The following TTC23L variants were observed in gnomAD, a reference collection of about 807,000 sequenced individuals.
TTC23L encodes the protein tetratricopeptide repeat domain 23 like.
In TTC23L, 42 loss-of-function variants were observed where a neutral mutation model predicts 48.1. The observed-to-expected ratio is 0.87, with a 90% CI of 0.68 to 1.13. The LOEUF is 1.13. TTC23L is among the 50% of genes most tolerant of loss of function. The pLI, the probability that TTC23L is intolerant of heterozygous loss-of-function variation, is 0.00. For missense variants in TTC23L, 391 were observed against 421.0 expected, an observed-to-expected ratio of 0.93 and a Z score of 0.62; for synonymous variants, 159 against 157.2, an observed-to-expected ratio of 1.01 and a Z score of -0.09.
the TTC23L span, among the ~76,000 whole-genome samples, chr5:34,919,580 C>T: frequency 1.3e-5 from 2 of 152,176 alleles, no homozygotes; most frequent in Admixed American, 1.3e-4. Context: ...TCCTAGAATA[C>T]CTAAATATTG....
chr5:34,909,174 G>T, the TTC23L span: 2 of 1,109,468 alleles, frequency 1.8e-6, no homozygotes, highest in Non-Finnish European at 1.3e-6. Context: ...TTAATTAACA[G>T]ATTGAAAGTG....
intron 4 of TTC23L, among the ~76,000 whole-genome samples, chr5:34,855,278 T>G (rs1456106905): frequency 6.6e-6 from 1 of 151,042 alleles, no homozygotes; most frequent in African/African-American, 2.5e-5. Flanking sequence ...GAAGGGTACA[T>G]TGGGCAGGCC....
downstream of TTC23L, among the ~76,000 whole-genome samples, chr5:34,903,658 A>G (rs984385727): frequency 6.6e-6 from 1 of 152,338 alleles, no homozygotes; most frequent in African/African-American, 2.4e-5. Context: ...ATTTTGGTGA[A>G]ATCCCAAAGT....
chr5:34,855,101 G>T (rs1018100554), intron 4 of TTC23L, among the ~76,000 whole-genome samples: 1 of 152,212 alleles, frequency 6.6e-6, no homozygotes, highest in East Asian at 1.9e-4. Flanking sequence ...TGTGGAGACA[G>T]CAGTAAGCAG....
intron 9 of TTC23L, among the ~76,000 whole-genome samples, chr5:34,889,387 G>A (rs961576829): frequency 1.3e-5 from 2 of 152,174 alleles, no homozygotes; most frequent in African/African-American, 4.8e-5. Context: ...GTGCATTGCT[G>A]CTGAGAGTTA....
chr5:34,911,586 T>C, the TTC23L span: 1 of 1,614,056 alleles, frequency 6.2e-7, no homozygotes, highest in African/African-American at 1.3e-5. Context: ...ACATGGTAAT[T>C]TGTAGGACTT....
intron 4 of TTC23L, among the ~76,000 whole-genome samples, chr5:34,850,914 G>A (rs1759618635): frequency 6.6e-6 from 1 of 152,146 alleles, no homozygotes; most frequent in Admixed American, 6.5e-5. Context: ...TAAATATTGG[G>A]TGATACACTG....
chr5:34,877,426 C>CT (rs563901296), intron 8 of TTC23L, among the ~76,000 whole-genome samples: 177 of 73,772 alleles, frequency 2.4e-3, no homozygotes, highest in African/African-American at 8.6e-3. Context: ...TTCTTTCTTT[C>CT]TTTTTTCTTT....
chr5:34,845,802 A>C, intron 3 of TTC23L, 129 bp downstream of exon 3: 4 of 988,628 alleles, frequency 4.0e-6, no homozygotes, highest in Non-Finnish European at 5.8e-6. Context: ...TGTAAGTAGC[A>C]GAAAACAAAG....
intron 9 of TTC23L, among the ~76,000 whole-genome samples, chr5:34,889,867 T>G (rs1762755169): frequency 6.6e-6 from 1 of 151,758 alleles, no homozygotes; most frequent in South Asian, 2.1e-4. Context: ...TGAGACAGAG[T>G]CTTGCTCTGT....
chr5:34,844,953 A>G (rs1580415074), intron 2 of TTC23L, among the ~76,000 whole-genome samples: 1 of 152,278 alleles, frequency 6.6e-6, no homozygotes, highest in East Asian at 1.9e-4. Context: ...CAGCCTCAAA[A>G]TGTTGGTTTC....
intron 3 of TTC23L, 56 bp from the exon 4 acceptor site, chr5:34,850,129 T>C: frequency 1.3e-6 from 2 of 1,594,586 alleles, no homozygotes; most frequent in South Asian, 1.1e-5. Flanking sequence ...GATAAGTCCA[T>C]GGGGTAGAGA....
At chr5:34,868,928 G>T in exon 8 of TTC23L, 1 of 1,609,638 alleles carries the variant, frequency 6.2e-7, no homozygotes, top group Non-Finnish European at 8.5e-7. Flanking sequence ...GTGTTTCTTT[G>T]TTCACTGAAG....
the TTC23L span, chr5:34,918,513 T>C: frequency 8.8e-7 from 1 of 1,141,556 alleles, no homozygotes; most frequent in Non-Finnish European, 1.2e-6. Context: ...TTTCTATCTA[T>C]AAACTTACCT....
the TTC23L span, chr5:34,905,678 A>T: frequency 6.6e-6 from 1 of 152,220 alleles, no homozygotes; most frequent in Non-Finnish European, 1.5e-5. Flanking sequence ...AAAGTCTTTA[A>T]ATATAAGACT....
At chr5:34,880,567 T>G in intron 9 of TTC23L, 1 of 473,128 alleles carries the variant, frequency 2.1e-6, no homozygotes, top group South Asian at 2.1e-5. Flanking sequence ...CTCAAAGTAT[T>G]TTAGAGGGAC....
the TTC23L span, among the ~76,000 whole-genome samples, chr5:34,924,013 TTC>T: frequency 3.3e-5 from 5 of 152,138 alleles, no homozygotes; most frequent in Non-Finnish European, 7.4e-5. Context: ...AAATAGAAGT[TTC>T]TCTCTCAAAG....
At chr5:34,899,763 A>G (rs1181519929), downstream of TTC23L, among the ~76,000 whole-genome samples, 3 of 152,196 alleles carry the variant, frequency 2.0e-5, no homozygotes, top group Admixed American at 2.0e-4. Context: ...GTGGTGACAC[A>G]TGCCTGTAAA....
chr5:34,856,779 G>A (rs2150377477), intron 4 of TTC23L, among the ~76,000 whole-genome samples: 1 of 152,370 alleles, frequency 6.6e-6, no homozygotes, highest in Admixed American at 6.5e-5. Context: ...AAACAGGTAA[G>A]GGTATCTGAT....
Sources: allele counts gnomAD v4.1 joint callset (sites outside exome capture counted in the v4.1 genomes callset), GRCh38; gene constraint gnomAD v4.1.1; transcripts MANE v1.5; gene names NCBI Gene and HGNC (gene_info 2026-07-23, HGNC 2026-07-21).